LPIN2: variants seen among roughly 807,000 people sequenced by gnomAD.
LPIN2 encodes lipin 2, also known as phosphatidate phosphatase LPIN2.
LPIN2 carries 55 observed loss-of-function variants against 111.4 expected under a neutral mutation model. The ratio of observed to expected loss-of-function variants is 0.49; its 90% CI spans 0.40 to 0.62. LPIN2 has a LOEUF of 0.62. LPIN2 is among the 20% of genes least tolerant of loss of function. LPIN2 has a pLI of 0.00. For missense variants in LPIN2, 992 were observed against 1,112.1 expected (o/e 0.89, Z 1.54); for synonymous variants, 425 against 414.0 (o/e 1.03, Z -0.32).
At chr18:2,951,657 A>G (rs748615154) in intron 3 of LPIN2, among the ~76,000 whole-genome samples, 2 of 152,200 alleles carry the variant, frequency 1.3e-5, no homozygotes, top group Non-Finnish European at 2.9e-5. Flanking sequence ...AGCCTATTAA[A>G]TTCTTCACAA....
intron 1 of LPIN2, among the ~76,000 whole-genome samples, chr18:2,972,047 AAAAACAAAAC>A (rs572029999): frequency 6.6e-6 from 1 of 152,176 alleles, no homozygotes; most frequent in Non-Finnish European, 1.5e-5. Context: ...ACTCCATATC[AAAAACAAAAC>A]AAAACAAAAA....
intron 1 of LPIN2, among the ~76,000 whole-genome samples, chr18:2,999,440 CAA>C (rs1296933518): frequency 3.0e-5 from 4 of 131,924 alleles, no homozygotes; most frequent in Non-Finnish European, 3.3e-5. Flanking sequence ...ACTAAAAATA[CAA>C]AAAAAAAAAA....
chr18:2,981,094 T>C (rs563053134), intron 1 of LPIN2, among the ~76,000 whole-genome samples: 94 of 152,362 alleles, frequency 6.2e-4, no homozygotes, highest in Non-Finnish European at 1.2e-3. Context: ...CATGATATGA[T>C]ACATTTATAT....
At chr18:2,947,232 A>G (rs1360403745) in intron 4 of LPIN2, among the ~76,000 whole-genome samples, 3 of 152,174 alleles carry the variant, frequency 2.0e-5, no homozygotes, top group Admixed American at 2.0e-4. Context: ...GGTATTTGAA[A>G]TATTTCCATC....
chr18:2,935,470 G>A (rs999175997), intron 7 of LPIN2, among the ~76,000 whole-genome samples: 1 of 152,174 alleles, frequency 6.6e-6, no homozygotes, highest in East Asian at 1.9e-4. Context: ...TTACTATCAC[G>A]GGTGTAGAGA....
At position 2,920,227 on chromosome 18, in the gene LPIN2, G is replaced by A. The variant is rs1434386139; in HGVS notation, c.*66C>T. On this transcript the variant is annotated 3_prime_UTR_variant, in exon 20 of 20. Coordinates refer to ENST00000677752, the MANE Select transcript of LPIN2 (RefSeq NM_001375808.2). ...AGGCTGGTATCTGAGGTCAGCAGAA[G>A]AGCCAGCTGCCTTCCCTTGCTGTGG... 2.5e-6 allele frequency: 4 copies of A among 1,604,040 alleles called. No individual in the cohort carries two copies. The highest frequency in any genetic ancestry group is 2.7e-5 in the African/African-American group (2 of 74,844).
chr18:2,923,967 C>T (rs766990425), intron 15 of LPIN2, 106 bp from the exon 16 acceptor site: 9 of 890,786 alleles, frequency 1.0e-5, no homozygotes, highest in African/African-American at 4.9e-5. Context: ...TGGCGGGACA[C>T]TCTTGAAAGG....
intron 1 of LPIN2, among the ~76,000 whole-genome samples, chr18:2,988,791 A>G (rs944256454): frequency 4.6e-5 from 7 of 152,244 alleles, no homozygotes; most frequent in Non-Finnish European, 1.5e-5. Context: ...TCCCTCTTCT[A>G]AGGATAAAGC....
chr18:2,958,162 A>AAAAAAAAAAAAG, intron 2 of LPIN2, among the ~76,000 whole-genome samples: 1 of 15,328 alleles, frequency 6.5e-5, no homozygotes, highest in Non-Finnish European at 1.5e-4. Context: ...AAAAAACAAC[A>AAAAAAAAAAAAG]AAAAAAAAAA....
chr18:2,930,109 C>CA (rs1568524069), intron 9 of LPIN2, among the ~76,000 whole-genome samples: 1 of 152,194 alleles, frequency 6.6e-6, no homozygotes, highest in African/African-American at 2.4e-5. Context: ...TCTAGGCTAA[C>CA]AGAGAAACTG....
chr18:3,005,759 C>T (rs1165210070), intron 1 of LPIN2, among the ~76,000 whole-genome samples: 1 of 151,816 alleles, frequency 6.6e-6, no homozygotes, highest in Non-Finnish European at 1.5e-5. Context: ...GGTGTGGTGG[C>T]CCAACTCAGC....
At chr18:2,968,701 G>A (rs935750374) in intron 1 of LPIN2, among the ~76,000 whole-genome samples, 1 of 152,194 alleles carries the variant, frequency 6.6e-6, no homozygotes, top group African/African-American at 2.4e-5. Flanking sequence ...GTCCCAGGCA[G>A]AGAGAACAGC....
At chr18:2,931,107 T>C in intron 9 of LPIN2, 149 bp downstream of exon 9, 3 of 934,886 alleles carry the variant, frequency 3.2e-6, no homozygotes, top group South Asian at 2.8e-5. Context: ...AGTGAGGGTA[T>C]AAGGGTCTGA....
At chr18:2,921,895 G>T in intron 17 of LPIN2, 152 bp downstream of exon 17, 1 of 1,126,848 alleles carries the variant, frequency 8.9e-7, no homozygotes, top group Non-Finnish European at 1.2e-6. Context: ...CAAGTGAGCA[G>T]TATGTGGTAG....
intron 9 of LPIN2, among the ~76,000 whole-genome samples, chr18:2,929,617 T>C (rs1336883705): frequency 6.6e-6 from 1 of 152,158 alleles, no homozygotes; most frequent in Non-Finnish European, 1.5e-5. Flanking sequence ...TATCTTAAAA[T>C]TGTTTGGGCC....
At chr18:2,992,590 C>T (rs1249658278) in intron 1 of LPIN2, among the ~76,000 whole-genome samples, 1 of 152,166 alleles carries the variant, frequency 6.6e-6, no homozygotes, top group South Asian at 2.1e-4. Flanking sequence ...GTGGCTCACA[C>T]CTGTAATCCC....
intron 1 of LPIN2, among the ~76,000 whole-genome samples, chr18:2,998,744 A>T (rs1038215993): frequency 2.6e-5 from 4 of 152,218 alleles, no homozygotes; most frequent in African/African-American, 9.7e-5. Flanking sequence ...AATAGAGTAT[A>T]ACATGGAGGG....
At chr18:2,933,117 C>T (rs890291102) in intron 8 of LPIN2, among the ~76,000 whole-genome samples, 1 of 152,222 alleles carries the variant, frequency 6.6e-6, no homozygotes, top group Admixed American at 6.5e-5. Context: ...TGCTAAGGAT[C>T]ATGACATGAC....
intron 2 of LPIN2, among the ~76,000 whole-genome samples, chr18:2,956,179 A>C (rs1454641416): frequency 6.6e-6 from 1 of 152,232 alleles, no homozygotes; most frequent in African/African-American, 2.4e-5. Context: ...AGATATACTG[A>C]CGATAATCAG....
Sources: allele counts gnomAD v4.1 joint callset (sites outside exome capture counted in the v4.1 genomes callset), GRCh38; gene constraint gnomAD v4.1.1; transcripts MANE v1.5; gene names NCBI Gene and HGNC (gene_info 2026-07-23, HGNC 2026-07-21).